C3orf49: variants seen among roughly 807,000 people sequenced by gnomAD.
The protein encoded by C3orf49 is chromosome 3 open reading frame 49, also known as putative uncharacterized protein C3orf49.
A neutral mutation model predicts 13.3 loss-of-function variants in C3orf49; 27 were observed. The observed-to-expected ratio is 2.02, with a 90% confidence interval of 1.49 to 2.79. C3orf49 has a LOEUF of 2.79. C3orf49 is among the 30% of genes most tolerant of loss of function. The pLI is 0.00. For missense variants in C3orf49, 242 were observed against 134.2 expected (o/e 1.80, Z -3.97); for synonymous variants, 87 against 47.6 (o/e 1.83, Z -3.40).
At chr3:63,822,462 G>C (rs1701411313) in intron 1 of C3orf49, among the ~76,000 whole-genome samples, 1 of 152,206 alleles carries the variant, frequency 6.6e-6, no homozygotes, top group East Asian at 1.9e-4. Context: ...GCACAGTGGT[G>C]AACAACACAG....
the C3orf49 span, among the ~76,000 whole-genome samples, chr3:63,789,524 CA>C: frequency 6.6e-6 from 1 of 151,964 alleles, no homozygotes; most frequent in Non-Finnish European, 1.5e-5. Context: ...AGAAGTACAA[CA>C]GGGGGCCGGG....
chr3:63,801,890 G>A, the C3orf49 span, among the ~76,000 whole-genome samples: 1 of 152,164 alleles, frequency 6.6e-6, no homozygotes, highest in Non-Finnish European at 1.5e-5. Flanking sequence ...GACAGCAAGT[G>A]TGTCCATTTT....
the C3orf49 span, among the ~76,000 whole-genome samples, chr3:63,781,471 G>T: frequency 6.6e-6 from 1 of 152,064 alleles, no homozygotes; most frequent in African/African-American, 2.4e-5. Context: ...TTGGCAATGC[G>T]GGCTCTTTTT....
the C3orf49 span, among the ~76,000 whole-genome samples, chr3:63,800,129 A>C: frequency 6.6e-6 from 1 of 152,156 alleles, no homozygotes; most frequent in African/African-American, 2.4e-5. Flanking sequence ...TTGAAACCTA[A>C]GTTGTGGGTA....
At chr3:63,786,761 A>G in the C3orf49 span, among the ~76,000 whole-genome samples, 1 of 152,194 alleles carries the variant, frequency 6.6e-6, no homozygotes, top group Non-Finnish European at 1.5e-5. Flanking sequence ...TATTATCCCT[A>G]TCTCACAGAT....
intron 1 of C3orf49, among the ~76,000 whole-genome samples, chr3:63,820,189 T>C (rs961761705): frequency 6.6e-6 from 1 of 152,184 alleles, no homozygotes; most frequent in Non-Finnish European, 1.5e-5. Context: ...GGCTTCTCTC[T>C]TACCAGGTCC....
At chr3:63,819,675 AT>A in intron 1 of C3orf49, 79 bp downstream of exon 1, 1 of 688,928 alleles carries the variant, frequency 1.5e-6, no homozygotes, top group East Asian at 2.7e-5. Context: ...TAAGCATTGC[AT>A]TTAGGAATGA....
At chr3:63,821,886 A>G (rs1215360785) in intron 1 of C3orf49, among the ~76,000 whole-genome samples, 2 of 152,110 alleles carry the variant, frequency 1.3e-5, no homozygotes, top group African/African-American at 4.8e-5. Context: ...TTCAGTGTCA[A>G]TATGCTGGTT....
chr3:63,799,593 T>A, the C3orf49 span, among the ~76,000 whole-genome samples: 1 of 152,146 alleles, frequency 6.6e-6, no homozygotes, highest in Non-Finnish European at 1.5e-5. Context: ...GCATAAAAAA[T>A]TAAGACATTA....
At chr3:63,811,451 C>T in the C3orf49 span, among the ~76,000 whole-genome samples, 14 of 151,638 alleles carry the variant, frequency 9.2e-5, no homozygotes, top group East Asian at 5.9e-4. Context: ...CCAGCTACTC[C>T]GGAGGCTGAG....
chr3:63,848,598 G>C lies in C3orf49; in HGVS notation c.*265G>C, dbSNP rs1404160992. The C allele has an allele frequency of 6.6e-6, 1 of 152,190 alleles. No homozygotes were observed. Among genetic ancestry groups the C allele is most frequent in the Non-Finnish European group, 1.5e-5 (1 of 68,044 alleles). 9.4% of individuals were successfully genotyped at this position (152,190 alleles called of 1,614,324 possible). A position where few individuals can be genotyped will look rare whatever the true frequency, so the allele number is the denominator to read the frequency against. On this transcript the variant is annotated 3_prime_UTR_variant, in exon 7 of 7. Transcript: ENST00000295896. ...TCAGGACCTCCTGATGCTGTGGCAT[G>C]TCTTTAACCTTGGCAAAATAAACTC...
At chr3:63,799,451 A>G in the C3orf49 span, among the ~76,000 whole-genome samples, 2 of 152,158 alleles carry the variant, frequency 1.3e-5, no homozygotes, top group African/African-American at 4.8e-5. Flanking sequence ...CAGCATCAAC[A>G]TGTTCAATTG....
chr3:63,798,497 G>A, the C3orf49 span, among the ~76,000 whole-genome samples: 11 of 152,168 alleles, frequency 7.2e-5, no homozygotes, highest in African/African-American at 2.4e-4. Context: ...TTAACATGGG[G>A]ATTTAATATA....
intron 6 of C3orf49, among the ~76,000 whole-genome samples, chr3:63,847,001 A>G (rs1025886327): frequency 7.9e-5 from 12 of 152,284 alleles, no homozygotes; most frequent in African/African-American, 2.9e-4. Flanking sequence ...AGCAATCCCT[A>G]AAACAGCAGT....
the C3orf49 span, among the ~76,000 whole-genome samples, chr3:63,805,266 T>C: frequency 2.6e-5 from 4 of 152,216 alleles, no homozygotes; most frequent in Non-Finnish European, 4.4e-5. Context: ...GGCTTTTTAA[T>C]GAGGATTTCT....
rs1379718824 is a variant in C3orf49, at chr3:63,830,545, G to T, written c.571-565G>T. ...ACTAAAAAGGGCATATTAGCTGGGAGCCATGACCTGGGAATGATTTCCAAT... is the reference window on the plus strand; with the variant it reads ...ACTAAAAAGGGCATATTAGCTGGGATCCATGACCTGGGAATGATTTCCAAT... On this transcript the variant is annotated intron_variant, in intron 3 of 6. Transcript: ENST00000295896. Among the ~76,000 whole-genome samples the T allele has an allele frequency of 3.3e-5, 5 of 152,172 alleles. No individual in the cohort carries two copies. The East Asian group carries it at 9.6e-4, about 29-fold the overall frequency.
At chr3:63,784,657 G>A in the C3orf49 span, 8 of 152,172 alleles carry the variant, frequency 5.3e-5, no homozygotes, top group African/African-American at 1.9e-4. Context: ...AGGAATTTGA[G>A]ACCAGCCTGG....
intron 5 of C3orf49, chr3:63,832,818 G>A (rs189570649): frequency 1.3e-5 from 2 of 152,282 alleles, no homozygotes; most frequent in African/African-American, 4.8e-5. Context: ...GATGAAATTA[G>A]AGGAAGCATT....
At chr3:63,780,310 G>A in the C3orf49 span, among the ~76,000 whole-genome samples, 1 of 152,108 alleles carries the variant, frequency 6.6e-6, no homozygotes, top group African/African-American at 2.4e-5. Context: ...TCCCTACAAA[G>A]GACATGAACT....
Sources: allele counts gnomAD v4.1 joint callset (sites outside exome capture counted in the v4.1 genomes callset), GRCh38; gene constraint gnomAD v4.1.1; transcripts MANE v1.5; gene names NCBI Gene and HGNC (gene_info 2026-07-23, HGNC 2026-07-21).